The following FILIP1 variants were observed in gnomAD, a reference collection of about 807,000 sequenced individuals.
FILIP1 encodes the protein filamin A interacting protein 1, also known as filamin-A-interacting protein 1.
FILIP1 carries 61 observed loss-of-function variants against 102.1 expected under a neutral mutation model. The observed-to-expected ratio is 0.60, with a 90% CI of 0.49 to 0.74. The LOEUF (loss-of-function observed/expected upper bound fraction) is 0.74. FILIP1 is among the 30% of genes least tolerant of loss of function. The pLI is 0.00. For missense variants in FILIP1, 1,314 were observed against 1,441.2 expected, an observed-to-expected ratio of 0.91 and a Z score of 1.43; for synonymous variants, 491 against 526.9, an observed-to-expected ratio of 0.93 and a Z score of 0.93.
At chr6:75,332,085 A>G (rs897082758) in intron 4 of FILIP1, among the ~76,000 whole-genome samples, 24 of 152,238 alleles carry the variant, frequency 1.6e-4, no homozygotes, top group Non-Finnish European at 3.5e-4. Context: ...ACTGTGAGAA[A>G]AAAAGATTTT....
At chr6:75,298,437 A>C (rs2842464) in intron 6 of FILIP1, among the ~76,000 whole-genome samples, 2 of 151,536 alleles carry the variant, frequency 1.3e-5, no homozygotes, top group African/African-American at 4.9e-5. Context: ...TATGGAGACC[A>C]ACTTCATTTT....
chr6:75,411,119 A>G (rs546344092), intron 2 of FILIP1, among the ~76,000 whole-genome samples: 4 of 152,264 alleles, frequency 2.6e-5, no homozygotes, highest in African/African-American at 9.6e-5. Context: ...CATTCTAACT[A>G]GCGTGAGATG....
At chr6:75,332,476 T>G (rs1487970727) in intron 4 of FILIP1, among the ~76,000 whole-genome samples, 2 of 152,184 alleles carry the variant, frequency 1.3e-5, no homozygotes, top group African/African-American at 4.8e-5. Context: ...GGCTCTCCCT[T>G]CCAGGTGGCC....
chr6:75,472,765 T>A lies in FILIP1; in HGVS notation c.-7+20649A>T, dbSNP rs573528814. On this transcript the variant is annotated intron_variant, in intron 1 of 5. Coordinates refer to ENST00000237172, the MANE Select transcript of FILIP1 (RefSeq NM_015687.5). ...CCAGTGGGAAAACATTAACTATGGTTAATGGACTGAATGGATTTATTTAAG... is the reference window on the plus strand; with the variant it reads ...CCAGTGGGAAAACATTAACTATGGTAAATGGACTGAATGGATTTATTTAAG... Among the ~76,000 whole-genome samples the A allele has an allele frequency of 3.2e-3, 491 of 152,314 alleles. 5 individuals carry two copies. Among genetic ancestry groups the A allele is most frequent in the Middle Eastern group, 6.8e-3 (2 of 294 alleles).
intron 1 of FILIP1, among the ~76,000 whole-genome samples, chr6:75,477,123 T>C (rs1779496684): frequency 1.3e-5 from 2 of 152,236 alleles, no homozygotes. Flanking sequence ...GTAGCTTTCA[T>C]GTATATTAAT....
At chr6:75,307,496 G>C (rs1354674899), downstream of FILIP1, among the ~76,000 whole-genome samples, 1 of 152,150 alleles carries the variant, frequency 6.6e-6, no homozygotes, top group Non-Finnish European at 1.5e-5. Flanking sequence ...CAAAGGTGCA[G>C]CCTACATGAG....
chr6:75,442,137 C>T (rs1199490662), intron 1 of FILIP1, among the ~76,000 whole-genome samples: 1 of 151,830 alleles, frequency 6.6e-6, no homozygotes, highest in Non-Finnish European at 1.5e-5. Context: ...CAGAGGCGCT[C>T]CCCACAGCTC....
intron 1 of FILIP1, among the ~76,000 whole-genome samples, chr6:75,442,214 C>T: frequency 6.6e-6 from 1 of 151,722 alleles, no homozygotes; most frequent in African/African-American, 2.4e-5. Context: ...GGAAGAGGCG[C>T]TCCTCACTTC....
chr6:75,371,038 T>C (rs1004057207), intron 2 of FILIP1, among the ~76,000 whole-genome samples: 1 of 152,196 alleles, frequency 6.6e-6, no homozygotes, highest in Non-Finnish European at 1.5e-5. Context: ...ACTAATATTA[T>C]AAACAGATTG....
intron 2 of FILIP1, among the ~76,000 whole-genome samples, chr6:75,408,343 C>T (rs1415388164): frequency 1.3e-5 from 2 of 152,270 alleles, no homozygotes; most frequent in East Asian, 3.9e-4. Flanking sequence ...TGGTTCTAGA[C>T]AAGACTCCCT....
At chr6:75,398,262 C>T (rs533510459) in intron 2 of FILIP1, among the ~76,000 whole-genome samples, 4 of 152,292 alleles carry the variant, frequency 2.6e-5, no homozygotes, top group Non-Finnish European at 4.4e-5. Context: ...ATATGAGTCA[C>T]TTTGAGCCCT....
chr6:75,483,732 CT>C (rs901353217), intron 1 of FILIP1, among the ~76,000 whole-genome samples: 21 of 152,194 alleles, frequency 1.4e-4, no homozygotes, highest in African/African-American at 4.8e-4. Context: ...AACAAGACCC[CT>C]GATGCTGAAA....
intron 1 of FILIP1, among the ~76,000 whole-genome samples, chr6:75,481,995 A>G (rs1476626689): frequency 6.6e-6 from 1 of 152,092 alleles, no homozygotes; most frequent in Non-Finnish European, 1.5e-5. Context: ...TTTTTTCCCT[A>G]ATCTTTCTCT....
At chr6:75,392,230 C>T (rs1431719087) in intron 2 of FILIP1, among the ~76,000 whole-genome samples, 1 of 152,064 alleles carries the variant, frequency 6.6e-6, no homozygotes. Flanking sequence ...TCTAAATTTG[C>T]TTTCTTCATG....
At chr6:75,416,665 C>T (rs1483752421) in intron 1 of FILIP1, among the ~76,000 whole-genome samples, 1 of 151,568 alleles carries the variant, frequency 6.6e-6, no homozygotes, top group Admixed American at 6.6e-5. Flanking sequence ...AGTTAAGACA[C>T]ATGGACTTCC....
chr6:75,420,263 A>G (rs2149694783), intron 1 of FILIP1, among the ~76,000 whole-genome samples: 1 of 152,014 alleles, frequency 6.6e-6, no homozygotes, highest in East Asian at 1.9e-4. Context: ...CAAGAACAAT[A>G]CCAGTAGGCC....
intron 1 of FILIP1, among the ~76,000 whole-genome samples, chr6:75,430,508 T>C (rs1405173183): frequency 6.6e-6 from 1 of 152,078 alleles, no homozygotes; most frequent in East Asian, 1.9e-4. Flanking sequence ...TTATAACAAA[T>C]ATTATATGTA....
At chr6:75,430,129 A>T (rs1777777536) in intron 1 of FILIP1, among the ~76,000 whole-genome samples, 1 of 152,074 alleles carries the variant, frequency 6.6e-6, no homozygotes, top group Non-Finnish European at 1.5e-5. Flanking sequence ...TTCTCACAAG[A>T]TCTGATGGTT....
At chr6:75,390,924 C>T (rs928702111) in intron 2 of FILIP1, among the ~76,000 whole-genome samples, 1 of 152,036 alleles carries the variant, frequency 6.6e-6, no homozygotes, top group African/African-American at 2.4e-5. Context: ...TCTGACTTCC[C>T]AGTTCCCTGA....
Sources: gnomAD v4.1 joint callset for allele counts (sites outside exome capture counted in the v4.1 genomes callset) on GRCh38, gnomAD v4.1.1 for gene constraint, MANE v1.5 for transcripts, NCBI Gene and HGNC (gene_info 2026-07-23, HGNC 2026-07-21) for gene names.